Variants in CHGB observed in about 807,000 individuals in gnomAD.
CHGB encodes secretogranin-1.
CHGB carries 46 observed loss-of-function variants against 69.9 expected under a neutral mutation model. That is an observed-to-expected ratio of 0.66 (90% CI 0.52 to 0.84). CHGB has a LOEUF of 0.84. Among genes scored for constraint, CHGB ranks in the 40% least tolerant of loss-of-function variants. The pLI is 0.00. For synonymous variants in CHGB, 312 were observed against 298.2 expected (o/e 1.05, Z -0.48); for missense variants, 796 against 822.2 (o/e 0.97, Z 0.39).
chr20:5,918,225 T>C (rs1356814495), intron 3 of CHGB, among the ~76,000 whole-genome samples: 1 of 135,752 alleles, frequency 7.4e-6, no homozygotes, highest in Non-Finnish European at 1.6e-5. Flanking sequence ...CTACTAAAAA[T>C]ACAACAACTA....
intron 1 of CHGB, among the ~76,000 whole-genome samples, chr20:5,913,885 G>T (rs1300477433): frequency 6.6e-6 from 1 of 151,908 alleles, no homozygotes; most frequent in Non-Finnish European, 1.5e-5. Context: ...GCCAGCCTCG[G>T]ACTCCCAAAG....
intron 1 of CHGB, among the ~76,000 whole-genome samples, chr20:5,911,937 A>T (rs889006152): frequency 6.6e-6 from 1 of 152,200 alleles, no homozygotes; most frequent in Non-Finnish European, 1.5e-5. Flanking sequence ...TTTCCTCTAG[A>T]TAGGAAGGAA....
chr20:5,918,535 A>G (rs1008645632), intron 3 of CHGB, among the ~76,000 whole-genome samples: 2 of 151,848 alleles, frequency 1.3e-5, no homozygotes, highest in Non-Finnish European at 2.9e-5. Context: ...ACCTGAGGCC[A>G]GGCGCAGTGG....
chr20:5,916,524 T>C (rs2088476487), intron 2 of CHGB, 152 bp downstream of exon 2: 1 of 726,220 alleles, frequency 1.4e-6, no homozygotes, highest in Non-Finnish European at 2.3e-6. Flanking sequence ...ATGCCCCTCC[T>C]GCACTGAGCT....
At chr20:5,924,171 C>A in intron 4 of CHGB, 71 bp downstream of exon 4, 1 of 1,456,166 alleles carries the variant, frequency 6.9e-7, no homozygotes, top group East Asian at 2.5e-5. Context: ...CAAGACTATC[C>A]GATATTCACG....
chr20:5,916,104 T>C, intron 1 of CHGB: 1 of 573,552 alleles, frequency 1.7e-6, no homozygotes, highest in Non-Finnish European at 3.1e-6. Context: ...TAACCAGCAC[T>C]GAGATTAAAA....
chr20:5,915,141 T>G (rs1053065106), intron 1 of CHGB, among the ~76,000 whole-genome samples: 1 of 152,158 alleles, frequency 6.6e-6, no homozygotes, highest in African/African-American at 2.4e-5. Context: ...GAGATGGACT[T>G]ACATGTAAAT....
In CHGB at chr20:5,916,883, C is replaced by T. The variant is rs150609476; in HGVS notation, c.154C>T (p.Pro52Ser). Residue 52 changes from proline to serine, a missense_variant, in exon 3 of 5, where the codon CCC (proline) becomes TCC (serine). Pro to Ser is a moderately conservative substitution (Grantham distance 74). Around this residue, in one of 3 missense-constraint regions of CHGB, gnomAD observed 518 missense variants for 506.3 expected, o/e 1.02. Coordinates refer to ENST00000378961, the MANE Select transcript of CHGB (RefSeq NM_001819.3). ...TGCCTTGTCGAAGTCCAGCGCTCCA[C>T]CCATCACCCCTGAGTGCCGCCAAGT... is the stretch of plus-strand genomic sequence containing the variant. ...SNALSKSSAP[P>S]ITPECRQVLK... 135 of 1,614,094 alleles carry T rather than the reference C, an allele frequency of 8.4e-5. No homozygotes were observed. Among genetic ancestry groups the T allele is most frequent in the Non-Finnish European group, 1.1e-4 (133 of 1,180,046 alleles).
In CHGB at chr20:5,911,591, A is replaced by G. The variant is rs2088446665; in HGVS notation, c.-43A>G. ...CTCCTGCGCCTCGCTTCTCCGGTCCAGCCGCCATCTTCCTTTCCGCACAGG... is the reference window on the plus strand; with the variant it reads ...CTCCTGCGCCTCGCTTCTCCGGTCCGGCCGCCATCTTCCTTTCCGCACAGG... On this transcript the variant is annotated 5_prime_UTR_variant, in exon 1 of 5. Coordinates refer to ENST00000378961, the MANE Select transcript of CHGB (RefSeq NM_001819.3). The G allele has an allele frequency of 6.6e-7, 1 of 1,518,160 alleles. No individual in the cohort carries two copies. Among genetic ancestry groups the G allele is most frequent in the African/African-American group, 1.4e-5 (1 of 69,770 alleles). 94.0% of individuals were successfully genotyped at this position (1,518,160 alleles called of 1,614,324 possible).
At chr20:5,912,959 C>T (rs561520918) in intron 1 of CHGB, among the ~76,000 whole-genome samples, 1 of 152,168 alleles carries the variant, frequency 6.6e-6, no homozygotes, top group East Asian at 1.9e-4. Context: ...CACAAATTGT[C>T]AATAAATGTT....
Position 5,922,875 on chromosome 20 carries a change from G to A in CHGB, c.731G>A (p.Gly244Glu). The A allele has an allele frequency of 6.2e-7, 1 of 1,613,832 alleles. No homozygotes were observed. Among genetic ancestry groups the A allele is most frequent in the Admixed American group, 1.7e-5 (1 of 59,998 alleles). The change falls in exon 4 of 5, where the codon GGG (glycine) becomes GAG (glutamate). Residue 244 changes from glycine to glutamate, a missense_variant. Gly to Glu is a moderately conservative substitution (Grantham distance 98, BLOSUM62 -2). This residue lies in a region of CHGB where 518 missense variants were observed against 506.3 expected (regional missense o/e 1.02). Transcript: ENST00000378961. ...AGCCAGGAGAGTGGAGAGGAGACAGGGAGCCAGGAGAATCACCCCCAGGAG... is the reference window on the plus strand; with the variant it reads ...AGCCAGGAGAGTGGAGAGGAGACAGAGAGCCAGGAGAATCACCCCCAGGAG... ...KSSQESGEETGSQENHPQESK... is the reference protein window; with the variant it reads ...KSSQESGEETESQENHPQESK...
At chr20:5,918,367 T>C (rs1442987526) in intron 3 of CHGB, among the ~76,000 whole-genome samples, 1 of 151,790 alleles carries the variant, frequency 6.6e-6, no homozygotes, top group Non-Finnish European at 1.5e-5. Flanking sequence ...GGATACAGCC[T>C]GGGTGGCAGA....
chr20:5,911,845 C>T (rs893635521), intron 1 of CHGB, among the ~76,000 whole-genome samples, 163 bp downstream of exon 1: 13 of 152,248 alleles, frequency 8.5e-5, no homozygotes, highest in African/African-American at 3.1e-4. Context: ...TTTCCTTCAG[C>T]TCCTCCCACC....
At chr20:5,920,439 C>T (rs2088507218) in intron 3 of CHGB, among the ~76,000 whole-genome samples, 1 of 152,192 alleles carries the variant, frequency 6.6e-6, no homozygotes, top group African/African-American at 2.4e-5. Flanking sequence ...ACAGTTACAG[C>T]AGTCGGAAGT....
At position 5,922,279 on chromosome 20, in the gene CHGB, G is replaced by T. The variant is rs2088518322; in HGVS notation, c.191-56G>T. 6 of 1,492,474 alleles carry T rather than the reference G, an allele frequency of 4.0e-6. No individual in the cohort carries two copies. In the East Asian group the frequency reaches 6.9e-5, roughly 17 times the overall value. 92.5% of individuals were successfully genotyped at this position (1,492,474 alleles called of 1,614,324 possible). A position where few individuals can be genotyped will look rare whatever the true frequency, so the allele number is the denominator to read the frequency against. ...ATTTGTAGTGATTACTGAGGCTGGT[G>T]CTTGTGGAACCACAAGCAATTCTGA... On this transcript the variant is annotated intron_variant, in intron 3 of 4. Coordinates refer to ENST00000378961, the MANE Select transcript of CHGB (RefSeq NM_001819.3).
rs561343927 is a variant in CHGB, at chr20:5,916,447, A to G, written c.96+75A>G. On this transcript the variant is annotated intron_variant, in intron 2 of 4. Transcript: ENST00000378961. ...ATTCTCCCAGTCCCTATTATACCAAACCAAACACACGCATGACATAATCTT... is the reference window on the plus strand; with the variant it reads ...ATTCTCCCAGTCCCTATTATACCAAGCCAAACACACGCATGACATAATCTT... The G allele has an allele frequency of 8.1e-6, 10 of 1,236,352 alleles. No homozygotes were observed. In the East Asian group the frequency reaches 1.9e-4, roughly 24 times the overall value. 76.6% of individuals were successfully genotyped at this position (1,236,352 alleles called of 1,614,324 possible).
At chr20:5,911,761 G>T in intron 1 of CHGB, 79 bp downstream of exon 1, 1 of 1,281,300 alleles carries the variant, frequency 7.8e-7, no homozygotes, top group Non-Finnish European at 1.0e-6. Flanking sequence ...CAGCCAGGCT[G>T]GCGGATCCCG....
chr20:5,918,102 GAA>G (rs11469311), intron 3 of CHGB: 119,587 of 146,310 alleles, frequency 0.82, 49,338 homozygotes, highest in East Asian at 1. Flanking sequence ...AGCCAAGATT[GAA>G]CTCCATTGAA....
chr20:5,913,528 G>T (rs2088457758), intron 1 of CHGB, among the ~76,000 whole-genome samples: 1 of 151,652 alleles, frequency 6.6e-6, no homozygotes, highest in South Asian at 2.1e-4. Flanking sequence ...GGAAGCTATT[G>T]TGCACTCTAA....
Sources: allele counts gnomAD v4.1 joint callset (sites outside exome capture counted in the v4.1 genomes callset), GRCh38; gene constraint gnomAD v4.1.1; regional missense constraint gnomAD v4.1.1; transcripts MANE v1.5; gene names NCBI Gene and HGNC (gene_info 2026-07-23, HGNC 2026-07-21).